The following RBFOX1 variants were observed in gnomAD, a reference collection of about 807,000 sequenced individuals.
The protein encoded by RBFOX1 is RNA binding protein fox-1 homolog 1.
Under a neutral mutation model 57.7 loss-of-function variants are expected in RBFOX1, and 8 were observed. That is an observed-to-expected ratio of 0.14 (90% CI 0.08 to 0.25). The LOEUF is 0.25. Among genes scored for constraint, RBFOX1 ranks in the 10% least tolerant of loss-of-function variants. The pLI is 1.00. For missense variants in RBFOX1, 611 were observed against 548.5 expected (o/e 1.11, Z -1.14); for synonymous variants, 326 against 222.4 (o/e 1.47, Z -4.15).
chr16:6,035,466 T>C (rs2095353672), intron 1 of RBFOX1, among the ~76,000 whole-genome samples: 1 of 152,230 alleles, frequency 6.6e-6, no homozygotes, highest in East Asian at 1.9e-4. Flanking sequence ...CTTTGTCTTT[T>C]AAAATGTAGT....
At chr16:6,898,896 A>T in intron 3 of RBFOX1, among the ~76,000 whole-genome samples, 1 of 99,218 alleles carries the variant, frequency 1.0e-5, no homozygotes, top group African/African-American at 6.1e-5. Context: ...ACGTGTGTGC[A>T]TCTCGTATGT....
chr16:7,477,748 T>G (rs974779832), intron 4 of RBFOX1, among the ~76,000 whole-genome samples: 3 of 152,174 alleles, frequency 2.0e-5, no homozygotes, highest in Non-Finnish European at 4.4e-5. Flanking sequence ...CATCATCCAC[T>G]GCAAATATGA....
chr16:6,186,757 C>T (rs1030373592), intron 1 of RBFOX1, among the ~76,000 whole-genome samples: 2 of 152,150 alleles, frequency 1.3e-5, no homozygotes, highest in Non-Finnish European at 2.9e-5. Context: ...GAGCAGTGAA[C>T]ATGGCAACAT....
intron 4 of RBFOX1, among the ~76,000 whole-genome samples, chr16:5,931,477 A>G (rs1232073144): frequency 6.6e-6 from 1 of 152,118 alleles, no homozygotes; most frequent in East Asian, 1.9e-4. Flanking sequence ...AGAGAAGGAG[A>G]GTGGTTTCCA....
intron 3 of RBFOX1, among the ~76,000 whole-genome samples, chr16:6,866,238 C>T (rs927854216): frequency 2.0e-5 from 3 of 151,848 alleles, no homozygotes; most frequent in African/African-American, 7.3e-5. Flanking sequence ...TTTTAAGGTT[C>T]TGGAAATGTA....
chr16:6,767,087 G>T (rs556367307), intron 3 of RBFOX1, among the ~76,000 whole-genome samples: 2 of 152,060 alleles, frequency 1.3e-5, no homozygotes, highest in African/African-American at 4.8e-5. Context: ...TCATCCTGTG[G>T]TCCTATAATT....
At chr16:7,178,451 C>G (rs1035740222) in intron 4 of RBFOX1, among the ~76,000 whole-genome samples, 3 of 152,148 alleles carry the variant, frequency 2.0e-5, no homozygotes, top group African/African-American at 7.2e-5. Flanking sequence ...TGGGTAAACA[C>G]TAAATTTTTT....
intron 5 of RBFOX1, among the ~76,000 whole-genome samples, chr16:7,532,248 A>C (rs1217859643): frequency 6.6e-6 from 1 of 151,122 alleles, no homozygotes; most frequent in Non-Finnish European, 1.5e-5. Flanking sequence ...TTGGGTTAGC[A>C]GTTATGCCGG....
intron 1 of RBFOX1, among the ~76,000 whole-genome samples, chr16:6,066,919 G>A (rs1382319352): frequency 6.6e-6 from 1 of 152,064 alleles, no homozygotes; most frequent in South Asian, 2.1e-4. Flanking sequence ...CACCATTATG[G>A]TGTATTATGA....
intron 4 of RBFOX1, among the ~76,000 whole-genome samples, chr16:7,195,332 C>G (rs914645646): frequency 9.9e-5 from 15 of 152,124 alleles, no homozygotes; most frequent in African/African-American, 2.9e-4. Context: ...GTTGCAGTGT[C>G]TTTTCTAGCC....
At chr16:6,360,580 ATAT>A (rs1274640523) in intron 2 of RBFOX1, among the ~76,000 whole-genome samples, 3 of 152,248 alleles carry the variant, frequency 2.0e-5, no homozygotes, top group Non-Finnish European at 4.4e-5. Flanking sequence ...GTCTCATCCA[ATAT>A]TATTATGGAG....
At chr16:7,544,742 T>C (rs1353185154) in intron 5 of RBFOX1, among the ~76,000 whole-genome samples, 1 of 152,226 alleles carries the variant, frequency 6.6e-6, no homozygotes, top group African/African-American at 2.4e-5. Context: ...TAATATGTTA[T>C]GGCAGTCCTA....
At chr16:6,034,331 CAAAA>C (rs757260576) in intron 1 of RBFOX1, among the ~76,000 whole-genome samples, 32 of 37,126 alleles carry the variant, frequency 8.6e-4, no homozygotes, top group Middle Eastern at 0.02. Flanking sequence ...GACTGTTGCG[CAAAA>C]AAAAAAAAAA....
intron 14 of RBFOX1, among the ~76,000 whole-genome samples, chr16:7,688,272 A>AGG (rs1319044525): frequency 1.3e-4 from 20 of 150,042 alleles, no homozygotes; most frequent in Admixed American, 1.1e-3. Flanking sequence ...AGAGAGAGAG[A>AGG]GAGAGAGAGA....
At chr16:7,627,873 A>G (rs1466830256) in intron 10 of RBFOX1, among the ~76,000 whole-genome samples, 1 of 152,298 alleles carries the variant, frequency 6.6e-6, no homozygotes, top group East Asian at 1.9e-4. Context: ...CTGTGAAGGC[A>G]TAGATTTTGT....
rs542265654 is a variant in RBFOX1 at position 6,556,483 on chromosome 16, C to A, written c.-63-98120C>A. ...AATGAAAACATGTCGCCTCTGAGGT[C>A]TCATTTGTTCCCAGGAAGTCCACGG... On this transcript the variant is annotated intron_variant, in intron 2 of 15. Transcript: ENST00000550418. Among the ~76,000 whole-genome samples the A allele has an allele frequency of 3.3e-5, 5 of 152,140 alleles. No homozygotes were observed. In the South Asian group the frequency reaches 1.0e-3, roughly 32 times the overall value.
chr16:6,349,432 G>T (rs1243947321), intron 2 of RBFOX1, among the ~76,000 whole-genome samples: 1 of 152,132 alleles, frequency 6.6e-6, no homozygotes, highest in East Asian at 1.9e-4. Context: ...GAATATTGTG[G>T]TAAAATAAAG....
chr16:6,788,889 ACT>A (rs1031429730), intron 3 of RBFOX1, among the ~76,000 whole-genome samples: 1 of 151,944 alleles, frequency 6.6e-6, no homozygotes, highest in African/African-American at 2.4e-5. Flanking sequence ...TCTGTAGCTA[ACT>A]CTCTGCTCTA....
chr16:6,274,901 A>G (rs1249837286), intron 1 of RBFOX1, among the ~76,000 whole-genome samples: 1 of 152,214 alleles, frequency 6.6e-6, no homozygotes, highest in Non-Finnish European at 1.5e-5. Context: ...TCCATTAATG[A>G]TGAGAAGGAA....
Sources: gnomAD v4.1 joint callset for allele counts (sites outside exome capture counted in the v4.1 genomes callset) on GRCh38, gnomAD v4.1.1 for gene constraint, MANE v1.5 for transcripts, NCBI Gene and HGNC (gene_info 2026-07-23, HGNC 2026-07-21) for gene names.